Variants in SNAPC4 observed in about 807,000 individuals in gnomAD.
The protein encoded by SNAPC4 is snRNA-activating protein complex subunit 4.
SNAPC4 carries 127 observed loss-of-function variants against 151.3 expected under a neutral mutation model. The ratio of observed to expected loss-of-function variants is 0.84; its 90% CI spans 0.73 to 0.97. SNAPC4 has a LOEUF of 0.97. SNAPC4 is among the 50% of genes least tolerant of loss of function. The probability of loss-of-function intolerance (pLI) is 0.00; values close to 1 mark genes in which losing one functional copy is unlikely to be tolerated. For synonymous variants in SNAPC4, 1,002 were observed against 824.4 expected, an observed-to-expected ratio of 1.22 and a Z score of -3.69; for missense variants, 2,186 against 1,935.0, an observed-to-expected ratio of 1.13 and a Z score of -2.43.
In SNAPC4 at chr9:136,387,561, C is replaced by A. The variant is rs1833931516; in HGVS notation, c.1249G>T (p.Ala417Ser). ...EEDAKLLQAV[A>S]KYGEQDWFKI... ...AACCAATCCTGCTCCCCGTATTTGG[C>A]AACAGCTTGAAGCAACTTCTGCAGG... Residue 417 changes from alanine (A) to serine (S), a missense_variant, in exon 13 of 24, where the codon GCC becomes TCC. Transcript: ENST00000684778. The A allele has an allele frequency of 6.2e-7, 1 of 1,613,708 alleles. No individual in the cohort carries two copies. Among genetic ancestry groups the A allele is most frequent in the African/African-American group, 1.3e-5 (1 of 74,940 alleles).
intron 13 of SNAPC4, among the ~76,000 whole-genome samples, chr9:136,386,518 T>C (rs917829408): frequency 6.7e-6 from 1 of 149,476 alleles, no homozygotes; most frequent in Non-Finnish European, 1.5e-5. Flanking sequence ...CACTGCATCC[T>C]CCGCCTCCCA....
In SNAPC4 at chr9:136,387,732, G is replaced by A. The variant is rs762436245; in HGVS notation, c.1230+10C>T. 9.0e-6 allele frequency: 14 copies of A among 1,560,714 alleles called. No individual in the cohort carries two copies. Among genetic ancestry groups the A allele is most frequent in the South Asian group, 4.4e-5 (4 of 90,012 alleles). ...CAGAGCCCAGTTCTCCTAGGGTCCC[G>A]CACACTTACAGCATCTTCCTCCGGG... On this transcript the variant is annotated intron_variant, in intron 12 of 23. Transcript: ENST00000684778.
chr9:136,381,743 G>T, intron 18 of SNAPC4, 81 bp downstream of exon 18: 1 of 1,512,212 alleles, frequency 6.6e-7, no homozygotes, highest in Non-Finnish European at 8.9e-7. Flanking sequence ...TCCCCAAGTA[G>T]CCACCGTCTG....
At chr9:136,387,697 G>A (rs773948132) in intron 12 of SNAPC4, 45 bp downstream of exon 12, 51 of 1,427,316 alleles carry the variant, frequency 3.6e-5, no homozygotes, top group Admixed American at 1.7e-4. Flanking sequence ...ACACAGCCGC[G>A]TTACCTTCCC....
In SNAPC4 at chr9:136,394,244, C is replaced by T. The variant is rs748544180; in HGVS notation, c.632+5G>A. The T allele has an allele frequency of 5.0e-6, 8 of 1,597,466 alleles. No individual in the cohort carries two copies. In the South Asian group the frequency reaches 8.8e-5, roughly 18 times the overall value. ...ACCGTTTTTGACTTATGGTTTTAGA[C>T]TTACTTCAGTAACTTGGGCTGAAGC... is the stretch of plus-strand genomic sequence containing the variant. On this transcript the variant is annotated splice_donor_5th_base_variant and intron_variant, in intron 7 of 23. Transcript: ENST00000684778.
At chr9:136,398,752 C>G (rs1218352153) in intron 1 of SNAPC4, 1 of 256,302 alleles carries the variant, frequency 3.9e-6, no homozygotes, top group Non-Finnish European at 7.7e-6. Context: ...CGTCTCTGCT[C>G]CCACACCAAG....
At position 136,378,474 on chromosome 9, in the gene SNAPC4, T is replaced by C. The variant is rs748668864; in HGVS notation, c.3353A>G (p.Glu1118Gly). 1.9e-6 allele frequency: 3 copies of C among 1,589,082 alleles called. No individual in the cohort carries two copies. Among genetic ancestry groups the C allele is most frequent in the South Asian group, 2.2e-5 (2 of 89,818 alleles). ...CCTGGGGCCCTGGGCCGCCCGAGTC[T>C]CAGTCAGGGGAGGCAGCAGAGTGGC... Reference protein sequence around the residue: ...LLATLLPPLTETRAAQGPRAP... With the variant: ...LLATLLPPLTGTRAAQGPRAP... The change falls in exon 22 of 24, where the codon GAG (glutamate) becomes GGG (glycine). Residue 1118 changes from glutamate to glycine, a missense_variant. Coordinates refer to ENST00000684778, the MANE Select transcript of SNAPC4 (RefSeq NM_003086.4).
chr9:136,388,573 G>C lies in SNAPC4; in HGVS notation c.994C>G (p.Gln332Glu). Residue 332 changes from glutamine to glutamate, a missense_variant, in exon 11 of 24, where the codon CAG becomes GAG. Coordinates refer to ENST00000684778, the MANE Select transcript of SNAPC4 (RefSeq NM_003086.4). The part of the protein sequence containing the change: ...EELGTSRSAF[Q>E]CLQKFQQHNK... ...TGCTGCTGGAATTTCTGCAGGCACT[G>C]GAAGGCGCTGCGGCTGGTCTTCCCA... 1 of 1,614,072 alleles carries C rather than the reference G, an allele frequency of 6.2e-7. No homozygotes were observed. The highest frequency in any genetic ancestry group is 2.2e-5 in the East Asian group (1 of 44,874).
intron 2 of SNAPC4, 79 bp from the exon 3 acceptor site, chr9:136,397,102 G>A (rs1048865201): frequency 1.6e-6 from 2 of 1,234,394 alleles, no homozygotes; most frequent in Non-Finnish European, 1.2e-6. Context: ...ACTGCTTCTT[G>A]GGCAGACCTG....
rs1439264804 is a variant in SNAPC4, at chr9:136,387,761, C to T, written c.1211G>A (p.Trp404Ter). Residue 404 changes from tryptophan (W) to a stop codon, truncating the protein, a stop_gained, in exon 12 of 24, where the codon TGG becomes TAG. Coordinates refer to ENST00000684778, the MANE Select transcript of SNAPC4 (RefSeq NM_003086.4). LOFTEE classifies it high-confidence loss of function. Reference protein sequence around the residue: ...SLDPGLKKGYWAPEEDAKLLQ... With the variant: ...SLDPGLKKGY ...ACTTACAGCATCTTCCTCCGGGGCC[C>T]AGTAACCCTTCTTCAGACCAGGATC... The T allele has an allele frequency of 6.2e-7, 1 of 1,610,150 alleles. No individual in the cohort carries two copies.
At chr9:136,387,886 G>C in intron 11 of SNAPC4, 38 bp from the exon 12 acceptor site, 1 of 1,140,770 alleles carries the variant, frequency 8.8e-7, no homozygotes, top group South Asian at 1.2e-5. Flanking sequence ...GTGGGGCCGA[G>C]ACACACACCC....
At position 136,383,124 on chromosome 9, in the gene SNAPC4, CA is replaced by C; in HGVS notation, c.1983+61del. On this transcript the variant is annotated intron_variant, in intron 16 of 23. Transcript: ENST00000684778. The surrounding 1 kb of genome is among the most constrained non-coding windows in gnomAD (Gnocchi z 4.2). Reference sequence around the variant, plus strand: ...CTGCTGCTGCACTATCCCCAAGCGTCAGCCCTGGCGAGCGAGTGCCGAAAGT... The same window carrying C: ...CTGCTGCTGCACTATCCCCAAGCGTCGCCCTGGCGAGCGAGTGCCGAAAGT... The C allele has an allele frequency of 6.7e-7, 1 of 1,501,148 alleles. No homozygotes were observed. The highest frequency in any genetic ancestry group is 8.9e-7 in the Non-Finnish European group (1 of 1,128,192). 93.0% of individuals were successfully genotyped at this position (1,501,148 alleles called of 1,614,324 possible).
Position 136,378,562 on chromosome 9 carries a change from G to T in SNAPC4, c.3265C>A (p.Pro1089Thr), listed in dbSNP as rs570036164. 3.1e-6 allele frequency: 5 copies of T among 1,591,678 alleles called. No homozygotes were observed. The highest frequency in any genetic ancestry group is 4.3e-6 in the Non-Finnish European group (5 of 1,172,832). Residue 1089 changes from proline (P) to threonine (T), a missense_variant, in exon 22 of 24, where the codon CCT becomes ACT. Pro to Thr is a conservative substitution (Grantham distance 38, BLOSUM62 -1). Transcript: ENST00000684778. The part of the protein sequence containing the change: ...VLTAQGLLPV[P>T]VPAVVSLPRP... ...GGAAGGCTCACCACAGCTGGTACAG[G>T]AACAGGGAGAAGCCCCTGGGCTGTG... is the stretch of plus-strand genomic sequence containing the variant.
At position 136,392,656 on chromosome 9, in the gene SNAPC4, C is replaced by T. The variant is rs1411961272; in HGVS notation, c.737+17G>A. 1.1e-5 allele frequency: 18 copies of T among 1,612,998 alleles called. No homozygotes were observed. The highest frequency in any genetic ancestry group is 2.2e-5 in the South Asian group (2 of 91,088). The stretch of plus-strand genomic sequence containing the variant: ...GCTTGTGGGCTCCCCTGGGCCCTCC[C>T]GGGAGGCCCCCCTCACTTGATGTCC... On this transcript the variant is annotated intron_variant, in intron 8 of 23. Transcript: ENST00000684778.
At position 136,378,920 on chromosome 9, in the gene SNAPC4, C is replaced by T. The variant is rs2131469863; in HGVS notation, c.2907G>A (p.Trp969Ter). 6.2e-7 allele frequency: 1 copy of T among 1,610,842 alleles called. No homozygotes were observed. Among genetic ancestry groups the T allele is most frequent in the Non-Finnish European group, 8.5e-7 (1 of 1,179,426 alleles). The change falls in exon 22 of 24, where the codon TGG (tryptophan) becomes TGA (stop). Residue 969 changes from tryptophan to a stop codon, truncating the protein, a stop_gained. Coordinates refer to ENST00000684778, the MANE Select transcript of SNAPC4 (RefSeq NM_003086.4). LOFTEE classifies it high-confidence loss of function. ...AAAKPGTSGS[W>*]QEAGTSAKDK... ...CCTTGGCTGAAGTCCCAGCCTCCTG[C>T]CAGGAGCCAGAAGTGCCAGGTTTGG... is the stretch of plus-strand genomic sequence containing the variant.
chr9:136,383,842 C>T lies in SNAPC4; in HGVS notation c.1500+111G>A. On this transcript the variant is annotated intron_variant, in intron 15 of 23. Coordinates refer to ENST00000684778, the MANE Select transcript of SNAPC4 (RefSeq NM_003086.4). The surrounding 1 kb of genome is among the most constrained non-coding windows in gnomAD (Gnocchi z 4.2). ...CCTTGGCCACCCAGAAGAAGAAATG[C>T]CAAGACCAGAAACCGAACGCCCCCC... 7.4e-7 allele frequency: 1 copy of T among 1,344,664 alleles called. No individual in the cohort carries two copies. The highest frequency in any genetic ancestry group is 1.0e-6 in the Non-Finnish European group (1 of 953,436). The allele number at this position is 1,344,664 out of a possible 1,614,324, so 83.3% of individuals were successfully genotyped here.
rs1049466185 is a variant in SNAPC4 at position 136,399,426 on chromosome 9, G to A, written c.-10+708C>T. 2.0e-5 allele frequency among the ~76,000 whole-genome samples: 3 copies of A among 152,270 alleles called. No individual in the cohort carries two copies. In the East Asian group the frequency reaches 5.8e-4, roughly 29 times the overall value. On this transcript the variant is annotated intron_variant, in intron 1 of 23. Coordinates refer to ENST00000684778, the MANE Select transcript of SNAPC4 (RefSeq NM_003086.4). ...AGAGGCAGAGCTGGCAGCGACCGCAGGCTGGTTCAGCGCCTCCGGGCCGGC... is the reference window on the plus strand; with the variant it reads ...AGAGGCAGAGCTGGCAGCGACCGCAAGCTGGTTCAGCGCCTCCGGGCCGGC...
intron 22 of SNAPC4, among the ~76,000 whole-genome samples, chr9:136,377,259 G>A (rs1431189200): frequency 1.3e-5 from 2 of 152,342 alleles, no homozygotes; most frequent in East Asian, 3.9e-4. Flanking sequence ...TTCTCGCTCA[G>A]ACAAGGCCAC....
chr9:136,397,057 C>T, intron 2 of SNAPC4, 34 bp from the exon 3 acceptor site: 1 of 1,604,478 alleles, frequency 6.2e-7, no homozygotes. Context: ...GTGTTGGTAA[C>T]CAGCGTCTTG....
Sources: gnomAD v4.1 joint callset for allele counts (sites outside exome capture counted in the v4.1 genomes callset) on GRCh38, gnomAD v4.1.1 for gene constraint, Gnocchi (gnomAD v3.1) non-coding constraint, MANE v1.5 for transcripts, NCBI Gene and HGNC (gene_info 2026-07-23, HGNC 2026-07-21) for gene names.